Variants in ATAD2B observed in about 807,000 individuals in gnomAD.
ATAD2B encodes the protein ATPase family AAA domain-containing protein 2B.
ATAD2B carries 40 observed loss-of-function variants against 167.6 expected under a neutral mutation model. The observed-to-expected ratio is 0.24, with a 90% CI of 0.19 to 0.31. The LOEUF (loss-of-function observed/expected upper bound fraction) is 0.31, where lower values mean the gene tolerates loss of function less well. Ranked by LOEUF, ATAD2B falls within the 10% of genes least tolerant of loss-of-function variation. ATAD2B has a pLI of 1.00. For missense variants in ATAD2B, 1,242 were observed against 1,757.2 expected (o/e 0.71, Z 5.24); for synonymous variants, 579 against 596.5 (o/e 0.97, Z 0.43).
chr2:23,875,887 T>G lies in ATAD2B; in HGVS notation c.919A>C (p.Lys307Gln). ...APPIVPAHQKKRENTLFDIHR... is the reference protein window; with the variant it reads ...APPIVPAHQKQRENTLFDIHR... ...ATATCAAACAGCGTGTTTTCCCTCT[T>G]TTTTTGATGAGCTGGTACTAAAAGG... Residue 307 changes from lysine to glutamine, a missense_variant, in exon 8 of 28, where the codon AAG (lysine) becomes CAG (glutamine). By Grantham distance (53) the Lys-to-Gln change is moderately conservative. Transcript: ENST00000238789. 1 of 1,608,016 alleles carries G rather than the reference T, an allele frequency of 6.2e-7. No homozygotes were observed. The highest frequency in any genetic ancestry group is 8.5e-7 in the Non-Finnish European group (1 of 1,176,316).
rs200245510 is a variant in ATAD2B at position 23,880,303 on chromosome 2, C to T, written c.901+336G>A. Among the ~76,000 whole-genome samples, 10 of 152,118 alleles carry T rather than the reference C, an allele frequency of 6.6e-5. No homozygotes were observed. The East Asian group carries it at 1.9e-3, about 29-fold the overall frequency. On this transcript the variant is annotated intron_variant, in intron 7 of 27. Transcript: ENST00000238789. Reference sequence around the variant, plus strand: ...GTAAAAAAAAATACAGTACATAAAACCTATAAGAGATTGCCTTCTTTTAAA... The same window carrying T: ...GTAAAAAAAAATACAGTACATAAAATCTATAAGAGATTGCCTTCTTTTAAA...
downstream of ATAD2B, among the ~76,000 whole-genome samples, chr2:23,746,876 C>G (rs1298335107): frequency 6.6e-6 from 1 of 152,160 alleles, no homozygotes; most frequent in African/African-American, 2.4e-5. Flanking sequence ...GAGCACCACA[C>G]TTTTAAAAAA....
At chr2:23,691,905 G>A in the ATAD2B span, 4 of 1,541,232 alleles carry the variant, frequency 2.6e-6, no homozygotes, top group African/African-American at 1.4e-5. Flanking sequence ...TATGTCGCTT[G>A]GGGGGAAGAG....
intron 11 of ATAD2B, among the ~76,000 whole-genome samples, chr2:23,864,600 C>T (rs893658996): frequency 1.3e-5 from 2 of 152,166 alleles, no homozygotes; most frequent in African/African-American, 4.8e-5. Context: ...TTATCAAGTG[C>T]CTGACTTAAA....
At chr2:23,819,499 A>G (rs556725409) in intron 17 of ATAD2B, among the ~76,000 whole-genome samples, 169 of 152,042 alleles carry the variant, frequency 1.1e-3, no homozygotes, top group African/African-American at 3.9e-3. Context: ...TCCCAAAAAA[A>G]AAAAAAAAAG....
At position 23,823,415 on chromosome 2, in the gene ATAD2B, C is replaced by A; in HGVS notation, c.1974G>T (p.Gln658His). The A allele has an allele frequency of 6.2e-7, 1 of 1,613,974 alleles. No homozygotes were observed. The highest frequency in any genetic ancestry group is 1.3e-5 in the African/African-American group (1 of 75,024). The change falls in exon 16 of 28, where the codon CAG becomes CAT. Residue 658 changes from glutamine to histidine, a missense_variant. Physicochemically the swap from Gln to His is conservative, Grantham distance 24. Around this residue, in one of 9 missense-constraint regions of ATAD2B, gnomAD observed 145 missense variants for 181.9 expected, o/e 0.80. Transcript: ENST00000238789. ...LSAQDFYHAM[Q>H]NIVPASQRAV... ...CACGTTGGGAAGCAGGCACGATATT[C>A]TGCATTGCATGGTAAAAATCTTGGG...
rs376172892 is a variant in ATAD2B at position 23,792,102 on chromosome 2, G to A, written c.2641-3455C>T. On this transcript the variant is annotated intron_variant, in intron 19 of 27. Transcript: ENST00000238789. ...TTTTGAGACGGAGTCTTGCTCTGTC[G>A]CCCAGGCTGGAGTGCAGTGGTGCAA... 1.5e-3 allele frequency among the ~76,000 whole-genome samples: 214 copies of A among 147,210 alleles called. 3 individuals carry two copies. Among genetic ancestry groups the A allele is most frequent in the African/African-American group, 3.8e-3 (149 of 39,716 alleles).
chr2:23,684,520 CA>C, the ATAD2B span: 1 of 1,549,082 alleles, frequency 6.5e-7, no homozygotes, highest in Non-Finnish European at 8.7e-7. This position sits in a 1 kb window ranked among gnomAD's most constrained non-coding sequence, Gnocchi z 4.4. Context: ...GCTTGTATTT[CA>C]AGGACCTGAT....
intron 1 of ATAD2B, among the ~76,000 whole-genome samples, chr2:23,899,218 T>C (rs1403323845): frequency 7.0e-6 from 1 of 142,780 alleles, no homozygotes; most frequent in Non-Finnish European, 1.5e-5. Context: ...GAGGGTGAGG[T>C]GGGAGGATCG....
chr2:23,780,061 A>G (rs1679762642), intron 22 of ATAD2B, among the ~76,000 whole-genome samples: 1 of 152,160 alleles, frequency 6.6e-6, no homozygotes, highest in South Asian at 2.1e-4. Flanking sequence ...CCTGGGCAAC[A>G]TGGCGAGACC....
chr2:23,679,465 G>A, the ATAD2B span, among the ~76,000 whole-genome samples: 7 of 152,146 alleles, frequency 4.6e-5, no homozygotes, highest in Admixed American at 3.3e-4. Context: ...TCTTAAGGCC[G>A]TGACTCACAT....
At chr2:23,760,150 A>C (rs2149315105) in intron 24 of ATAD2B, among the ~76,000 whole-genome samples, 1 of 152,340 alleles carries the variant, frequency 6.6e-6, no homozygotes, top group East Asian at 1.9e-4. Flanking sequence ...CTAATACGGT[A>C]AGAGAAAATG....
At chr2:23,858,238 A>G (rs1189121182) in intron 12 of ATAD2B, among the ~76,000 whole-genome samples, 1 of 151,876 alleles carries the variant, frequency 6.6e-6, no homozygotes, top group Non-Finnish European at 1.5e-5. Flanking sequence ...CTCCTGCCTC[A>G]GCCTCCCGAG....
At chr2:23,899,408 A>G (rs575198351) in intron 1 of ATAD2B, among the ~76,000 whole-genome samples, 11 of 152,002 alleles carry the variant, frequency 7.2e-5, no homozygotes, top group African/African-American at 2.6e-4. Context: ...AAGATGGTGT[A>G]TTAGTTTTAT....
At chr2:23,913,452 C>T (rs537299150) in intron 1 of ATAD2B, among the ~76,000 whole-genome samples, 4 of 152,130 alleles carry the variant, frequency 2.6e-5, no homozygotes, top group South Asian at 4.2e-4. Flanking sequence ...CCAGCCTGGC[C>T]AATATGGTGA....
At chr2:23,681,844 C>G in the ATAD2B span, among the ~76,000 whole-genome samples, 2 of 152,208 alleles carry the variant, frequency 1.3e-5, no homozygotes, top group Admixed American at 6.5e-5. This position sits in a 1 kb window ranked among gnomAD's most constrained non-coding sequence, Gnocchi z 4.2. Flanking sequence ...GCTGGTGACT[C>G]TTTCTGGAGA....
intron 22 of ATAD2B, among the ~76,000 whole-genome samples, chr2:23,767,120 C>G (rs527584455): frequency 2.6e-5 from 4 of 152,146 alleles, no homozygotes; most frequent in African/African-American, 9.7e-5. Flanking sequence ...GTAAAGCAAC[C>G]TTTTTCGATT....
chr2:23,925,211 G>C (rs1467522379), intron 1 of ATAD2B, among the ~76,000 whole-genome samples: 1 of 152,150 alleles, frequency 6.6e-6, no homozygotes, highest in Non-Finnish European at 1.5e-5. Flanking sequence ...ACAACTTTCA[G>C]ATTTAACCTT....
chr2:23,860,914 TG>T (rs1694245295), intron 12 of ATAD2B, among the ~76,000 whole-genome samples: 1 of 152,106 alleles, frequency 6.6e-6, no homozygotes, highest in Non-Finnish European at 1.5e-5. Context: ...GAGGTTGCAG[TG>T]AGCCAAGATC....
Sources: allele counts gnomAD v4.1 joint callset (sites outside exome capture counted in the v4.1 genomes callset), GRCh38; gene constraint gnomAD v4.1.1; regional missense constraint gnomAD v4.1.1; non-coding constraint Gnocchi (gnomAD v3.1); transcripts MANE v1.5; gene names NCBI Gene and HGNC (gene_info 2026-07-23, HGNC 2026-07-21).